Variants in COL11A2 observed in about 807,000 individuals in gnomAD.
The protein encoded by COL11A2 is collagen alpha-2(XI) chain.
In COL11A2, 116 loss-of-function variants were observed where a neutral mutation model predicts 273.4. The observed-to-expected ratio is 0.42, with a 90% CI of 0.36 to 0.49. The LOEUF is 0.49. COL11A2 is among the 20% of genes least tolerant of loss of function. COL11A2 has a pLI of 0.00. For missense variants in COL11A2, 1,866 were observed against 2,309.0 expected (o/e 0.81, Z 3.93); for synonymous variants, 782 against 864.2 (o/e 0.90, Z 1.67).
At position 33,175,594 on chromosome 6, in the gene COL11A2, G is replaced by C. The variant is rs997884133; in HGVS notation, c.2356C>G (p.Pro786Ala). 3 of 1,612,896 alleles carry C rather than the reference G, an allele frequency of 1.9e-6. No homozygotes were observed. The highest frequency in any genetic ancestry group is 1.7e-6 in the Non-Finnish European group (2 of 1,179,984). Residue 786 changes from proline (P) to alanine (A), a missense_variant, in exon 30 of 66, where the codon CCA (proline) becomes GCA (alanine). Physicochemically the swap from Pro to Ala is conservative, Grantham distance 27 (BLOSUM62 -1). Coordinates refer to ENST00000341947, the MANE Select transcript of COL11A2 (RefSeq NM_080680.3). Reference protein sequence around the residue: ...RTGPTGDPGPPGLMGEKGKLG... With the variant: ...RTGPTGDPGPAGLMGEKGKLG... ...ATCACCTTCTCGCCCATGAGCCCTG[G>C]GGGCCCAGGGTCTCCAGTCGGTCCA... is the stretch of plus-strand genomic sequence containing the variant.
chr6:33,168,676 A>AG (rs1491438895), intron 53 of COL11A2, 30 bp downstream of exon 53: 3 of 1,590,338 alleles, frequency 1.9e-6, no homozygotes, highest in Non-Finnish European at 2.6e-6. Flanking sequence ...GCTTGGGCTC[A>AG]GGGGGGTGGT....
chr6:33,167,107 G>A lies in COL11A2; in HGVS notation c.4193C>T (p.Pro1398Leu). 3 of 1,614,128 alleles carry A rather than the reference G, an allele frequency of 1.9e-6. No individual in the cohort carries two copies. The highest frequency in any genetic ancestry group is 2.5e-6 in the Non-Finnish European group (3 of 1,180,008). The stretch of plus-strand genomic sequence containing the variant: ...GGCTCCAGCATCGCCCCGGAGACCA[G>A]GCAGCCCTGGGGGTCCCTGTGGAGA... ...PPGPVGPPGL[P>L]GLRGDAGAKG... The change falls in exon 58 of 66, where the codon CCT (proline) becomes CTT (leucine). Residue 1398 changes from proline (P) to leucine (L), a missense_variant. Coordinates refer to ENST00000341947, the MANE Select transcript of COL11A2 (RefSeq NM_080680.3). The surrounding 1 kb of genome is among the most constrained non-coding windows in gnomAD (Gnocchi z 6.1).
chr6:33,173,154 G>A lies in COL11A2; in HGVS notation c.2737-41C>T, dbSNP rs1211282197. 1.9e-5 allele frequency: 31 copies of A among 1,590,344 alleles called. 1 individual carries two copies. The highest frequency in any genetic ancestry group is 2.4e-5 in the Non-Finnish European group (28 of 1,167,130). ...AGGAGAATGCAGTGAAAGCAGGTGT[G>A]GGCGCTGTGGGGCAGATTCCCAGGA... On this transcript the variant is annotated intron_variant, in intron 37 of 65. Coordinates refer to ENST00000341947, the MANE Select transcript of COL11A2 (RefSeq NM_080680.3). This position sits in a 1 kb window ranked among gnomAD's most constrained non-coding sequence, Gnocchi z 6.3.
chr6:33,175,766 A>G, intron 29 of COL11A2, 85 bp from the exon 30 acceptor site: 1 of 1,362,764 alleles, frequency 7.3e-7, no homozygotes, highest in Non-Finnish European at 1.0e-6. Context: ...AGTGAGGCTG[A>G]GGAGGGCTAG....
rs917408843 is a variant in COL11A2, at chr6:33,164,608, G to A, written c.4864-135C>T. ...AGTCATGAGCAGGGAATGGCTGGAA[G>A]GCAAGGGCTGGGAAAGAAGTGAGGG... is the stretch of plus-strand genomic sequence containing the variant. On this transcript the variant is annotated intron_variant, in intron 64 of 65. Transcript: ENST00000341947. The surrounding 1 kb of genome is among the most constrained non-coding windows in gnomAD (Gnocchi z 4.7). 6.0e-6 allele frequency: 5 copies of A among 836,642 alleles called. No homozygotes were observed. In the African/African-American group the frequency reaches 6.9e-5, roughly 11 times the overall value. 51.8% of individuals were successfully genotyped at this position (836,642 alleles called of 1,614,324 possible).
At position 33,190,115 on chromosome 6, in the gene COL11A2, C is replaced by T. The variant is rs1203280530; in HGVS notation, c.83-646G>A. On this transcript the variant is annotated intron_variant, in intron 1 of 65. Transcript: ENST00000341947. The surrounding 1 kb of genome is among the most constrained non-coding windows in gnomAD (Gnocchi z 4.5). ...CCAGGTTTGGGGGATGGGGTGGGAA[C>T]AACCCTGAGCATGCTGAGGAAAAAG... Among the ~76,000 whole-genome samples, 3 of 151,946 alleles carry T rather than the reference C, an allele frequency of 2.0e-5. No homozygotes were observed. Among genetic ancestry groups the T allele is most frequent in the African/African-American group, 4.8e-5 (2 of 41,346 alleles).
In COL11A2 at chr6:33,171,754, G is replaced by A; in HGVS notation, c.3109C>T (p.Pro1037Ser). Residue 1037 changes from proline to serine, a missense_variant, in exon 42 of 66, where the codon CCG becomes TCG. Coordinates refer to ENST00000341947, the MANE Select transcript of COL11A2 (RefSeq NM_080680.3). ...CCTGCTGCTCCAGGGGGACCCTGCGGGCCTGGGCGCCCTGGCGGACCAATG... is the reference window on the plus strand; with the variant it reads ...CCTGCTGCTCCAGGGGGACCCTGCGAGCCTGGGCGCCCTGGCGGACCAATG... ...GPIGPPGRPG[P>S]QGPPGAAGEK... 6.2e-7 allele frequency: 1 copy of A among 1,612,936 alleles called. No homozygotes were observed. Among genetic ancestry groups the A allele is most frequent in the African/African-American group, 1.3e-5 (1 of 75,018 alleles).
Position 33,174,549 on chromosome 6 carries a change from T to C in COL11A2, c.2408A>G (p.Tyr803Cys), listed in dbSNP as rs1770639119. The change falls in exon 31 of 66, where the codon TAT becomes TGT. Residue 803 changes from tyrosine (Y) to cysteine (C), a missense_variant. By Grantham distance (194) the Tyr-to-Cys change is radical. Coordinates refer to ENST00000341947, the MANE Select transcript of COL11A2 (RefSeq NM_080680.3). ...GKLGVPGLPG[Y>C]PGRQGPKGSL... Reference sequence around the variant, plus strand: ...CACCTTGGGTCCCTGACGTCCAGGATAGCCAGGCAGACCAGGAACACCCAG... The same window carrying C: ...CACCTTGGGTCCCTGACGTCCAGGACAGCCAGGCAGACCAGGAACACCCAG... 3 of 1,612,498 alleles carry C rather than the reference T, an allele frequency of 1.9e-6. No homozygotes were observed. Among genetic ancestry groups the C allele is most frequent in the Non-Finnish European group, 2.5e-6 (3 of 1,179,896 alleles).
intron 5 of COL11A2, 31 bp from the exon 6 acceptor site, chr6:33,185,809 G>A (rs752550573): frequency 3.6e-6 from 3 of 826,274 alleles, no homozygotes; most frequent in Non-Finnish European, 5.6e-6. Flanking sequence ...TAGACAGGAA[G>A]GGGATGGGGT....
At chr6:33,185,154 GGTC>G in intron 6 of COL11A2, 100 bp from the exon 7 acceptor site, 1 of 872,730 alleles carries the variant, frequency 1.1e-6, no homozygotes, top group Non-Finnish European at 1.9e-6. Context: ...CCGAGGGCAG[GGTC>G]TGTCTGTGCT....
At position 33,186,732 on chromosome 6, in the gene COL11A2, G is replaced by T. The variant is rs537656922; in HGVS notation, c.693C>A (p.Gly231=). The part of the protein sequence containing the change: ...CEQKELECEG[G]QRERPQNQQP... ...GTTGGTTTTGGGGTCTTTCCCTCTGGCCCCCCTCGCATTCCAGCTCCTTCT... is the reference window on the plus strand; with the variant it reads ...GTTGGTTTTGGGGTCTTTCCCTCTGTCCCCCCTCGCATTCCAGCTCCTTCT... Residue 231 remains glycine, a synonymous_variant, in exon 5 of 66, where the codon GGC becomes GGA. Coordinates refer to ENST00000341947, the MANE Select transcript of COL11A2 (RefSeq NM_080680.3). 2.5e-6 allele frequency: 4 copies of T among 1,614,050 alleles called. No individual in the cohort carries two copies. Among genetic ancestry groups the T allele is most frequent in the East Asian group, 2.2e-5 (1 of 44,868 alleles).
rs1416752265 is a variant in COL11A2 at position 33,163,670 on chromosome 6, A to G, written c.*8T>C. ...GTTCCGAATGGACAGGATCAGACAGAGACGGTCCTATCCCATGAAGCAGAC... is the reference window on the plus strand; with the variant it reads ...GTTCCGAATGGACAGGATCAGACAGGGACGGTCCTATCCCATGAAGCAGAC... On this transcript the variant is annotated 3_prime_UTR_variant, in exon 66 of 66. Transcript: ENST00000341947. The surrounding 1 kb of genome is among the most constrained non-coding windows in gnomAD (Gnocchi z 4.1). 6 of 1,612,876 alleles carry G rather than the reference A, an allele frequency of 3.7e-6. No individual in the cohort carries two copies. The highest frequency in any genetic ancestry group is 5.1e-6 in the Non-Finnish European group (6 of 1,180,010).
chr6:33,166,232 A>C lies in COL11A2; in HGVS notation c.4393-26T>G. The C allele has an allele frequency of 6.3e-7, 1 of 1,590,100 alleles. No individual in the cohort carries two copies. Among genetic ancestry groups the C allele is most frequent in the Non-Finnish European group, 8.6e-7 (1 of 1,169,198 alleles). ...CTGTGAAATGAGGAACAAGAAAGAG[A>C]CGGTCACTGCAGGGGAAGGACAGGA... On this transcript the variant is annotated intron_variant, in intron 60 of 65. Transcript: ENST00000341947. The surrounding 1 kb of genome is among the most constrained non-coding windows in gnomAD (Gnocchi z 4.8).
intron 8 of COL11A2, among the ~76,000 whole-genome samples, chr6:33,182,425 T>C (rs1193769850): frequency 4.0e-5 from 6 of 151,724 alleles, no homozygotes; most frequent in Non-Finnish European, 7.4e-5. Flanking sequence ...CTAAGTAAAT[T>C]TGGAGGCCAG....
rs1236728358 is a variant in COL11A2 at position 33,170,503 on chromosome 6, C to T, written c.3528+54G>A. 11 of 1,599,798 alleles carry T rather than the reference C, an allele frequency of 6.9e-6. No individual in the cohort carries two copies. The Admixed American group carries it at 1.8e-4, about 27-fold the overall frequency. On this transcript the variant is annotated intron_variant, in intron 47 of 65. Transcript: ENST00000341947. This position sits in a 1 kb window ranked among gnomAD's most constrained non-coding sequence, Gnocchi z 4.3. ...CAGTGGGGTGTGGGGTGGGGGCTGG[C>T]CAGGGAGGGGGGTGACTAGTATGGT... is the stretch of plus-strand genomic sequence containing the variant.
chr6:33,176,858 C>A lies in COL11A2; in HGVS notation c.2071-93G>T. ...TCTTCCAACCCAAATTTCCTGTGAC[C>A]TAGTGAAGCCAACTGTCCATGGACA... On this transcript the variant is annotated intron_variant, in intron 25 of 65. Transcript: ENST00000341947. The surrounding 1 kb of genome is among the most constrained non-coding windows in gnomAD (Gnocchi z 4.9). 1 of 1,541,880 alleles carries A rather than the reference C, an allele frequency of 6.5e-7. No individual in the cohort carries two copies. The highest frequency in any genetic ancestry group is 1.2e-5 in the South Asian group (1 of 85,356).
In COL11A2 at chr6:33,170,059, G is replaced by C. The variant is rs770552386; in HGVS notation, c.3624C>G (p.Pro1208=). ...GPPGGVGNLG[P]PGEKGEPGES... Reference sequence around the variant, plus strand: ...CCTTCCCAGTTACCTTCTCTCCAGGGGGACCCAGGTTCCCAACACCTCCTG... The same window carrying C: ...CCTTCCCAGTTACCTTCTCTCCAGGCGGACCCAGGTTCCCAACACCTCCTG... The change falls in exon 49 of 66, where the codon CCC becomes CCG. Residue 1208 remains proline, a synonymous_variant. Transcript: ENST00000341947. The surrounding 1 kb of genome is among the most constrained non-coding windows in gnomAD (Gnocchi z 4.3). 1.2e-6 allele frequency: 2 copies of C among 1,612,914 alleles called. No individual in the cohort carries two copies. Among genetic ancestry groups the C allele is most frequent in the Non-Finnish European group, 1.7e-6 (2 of 1,180,036 alleles).
At position 33,177,661 on chromosome 6, in the gene COL11A2, C is replaced by T; in HGVS notation, c.1917+1G>A. The T allele has an allele frequency of 6.2e-7, 1 of 1,613,020 alleles. No individual in the cohort carries two copies. Among genetic ancestry groups the T allele is most frequent in the Non-Finnish European group, 8.5e-7 (1 of 1,180,006 alleles). On this transcript the variant is annotated splice_donor_variant, in intron 22 of 65. Transcript: ENST00000341947. LOFTEE classifies it high-confidence loss of function. The surrounding 1 kb of genome is among the most constrained non-coding windows in gnomAD (Gnocchi z 5.9). ...GGTGGGATCTCCTATCCATCACTCA[C>T]CAAGCTCCCTTTGGGGCCCTGGGGA...
In COL11A2 at chr6:33,173,546, C is replaced by T; in HGVS notation, c.2638G>A (p.Gly880Arg). The T allele has an allele frequency of 6.3e-7, 1 of 1,594,274 alleles. No individual in the cohort carries two copies. The highest frequency in any genetic ancestry group is 8.5e-7 in the Non-Finnish European group (1 of 1,176,076). The change falls in exon 36 of 66, where the codon GGA becomes AGA. Residue 880 changes from glycine (G) to arginine (R), a missense_variant. Physicochemically the swap from Gly to Arg is moderately radical, Grantham distance 125. Coordinates refer to ENST00000341947, the MANE Select transcript of COL11A2 (RefSeq NM_080680.3). The surrounding 1 kb of genome is among the most constrained non-coding windows in gnomAD (Gnocchi z 6.3). ...GGAAACCCGTTGGGACCCTGAGGTCCAGGGAGGCCCTAGAGACAGAGGTGG... is the reference window on the plus strand; with the variant it reads ...GGAAACCCGTTGGGACCCTGAGGTCTAGGGAGGCCCTAGAGACAGAGGTGG... Reference protein sequence around the residue: ...HGPPGERGLPGPQGPNGFPGP... With the variant: ...HGPPGERGLPRPQGPNGFPGP...
Sources: allele counts gnomAD v4.1 joint callset (sites outside exome capture counted in the v4.1 genomes callset), GRCh38; gene constraint gnomAD v4.1.1; non-coding constraint Gnocchi (gnomAD v3.1); transcripts MANE v1.5; gene names NCBI Gene and HGNC (gene_info 2026-07-23, HGNC 2026-07-21).